Variants in SCAPER observed in about 807,000 individuals in gnomAD.
The protein encoded by SCAPER is S phase cyclin A-associated protein in the endoplasmic reticulum.
SCAPER carries 98 observed loss-of-function variants against 182.2 expected under a neutral mutation model. The ratio of observed to expected loss-of-function variants is 0.54; its 90% CI spans 0.46 to 0.64. The LOEUF is 0.64. Ranked by LOEUF, SCAPER falls within the 30% of genes least tolerant of loss-of-function variation. The pLI, the probability that SCAPER is intolerant of heterozygous loss-of-function variation, is 0.00. For synonymous variants in SCAPER, 605 were observed against 564.6 expected, an observed-to-expected ratio of 1.07 and a Z score of -1.01; for missense variants, 1,432 against 1,690.0, an observed-to-expected ratio of 0.85 and a Z score of 2.68.
chr15:76,589,333 T>C (rs2048932313), intron 22 of SCAPER, among the ~76,000 whole-genome samples: 1 of 152,062 alleles, frequency 6.6e-6, no homozygotes, highest in South Asian at 2.1e-4. Context: ...TGAAGAACCA[T>C]CAGGTGAGGG....
At chr15:76,726,156 A>ATATATATATATAT (rs56986282) in intron 17 of SCAPER, among the ~76,000 whole-genome samples, 3,700 of 79,374 alleles carry the variant, frequency 0.047, 503 homozygotes, top group African/African-American at 0.07. Flanking sequence ...TATATATATA[A>ATATATATATATAT]AAAACTCTAT....
At chr15:76,507,215 GAGAA>G (rs2041661985) in intron 23 of SCAPER, among the ~76,000 whole-genome samples, 1 of 152,096 alleles carries the variant, frequency 6.6e-6, no homozygotes, top group African/African-American at 2.4e-5. Context: ...CTTATAAGAG[GAGAA>G]AGAGACACTG....
At chr15:76,473,698 G>T (rs1232350737) in intron 24 of SCAPER, among the ~76,000 whole-genome samples, 2 of 152,186 alleles carry the variant, frequency 1.3e-5, no homozygotes, top group Non-Finnish European at 2.9e-5. Flanking sequence ...AACAAGTTCT[G>T]CAGGTAGTTC....
chr15:76,727,991 T>C (rs2060693856), intron 17 of SCAPER, among the ~76,000 whole-genome samples: 2 of 152,062 alleles, frequency 1.3e-5, no homozygotes, highest in African/African-American at 2.4e-5. Flanking sequence ...AAAAGCAAAT[T>C]AAAACCACAA....
intron 25 of SCAPER, among the ~76,000 whole-genome samples, chr15:76,464,007 C>CTCT (rs1555444922): frequency 1.1e-4 from 13 of 120,376 alleles, no homozygotes; most frequent in Admixed American, 1.1e-3. Flanking sequence ...TTTCACTGGT[C>CTCT]TTTTTTTTTT....
At chr15:76,629,556 TTA>T (rs1189976302) in intron 21 of SCAPER, among the ~76,000 whole-genome samples, 1 of 152,216 alleles carries the variant, frequency 6.6e-6, no homozygotes, top group Admixed American at 6.5e-5. Context: ...ATGTGATGAA[TTA>T]TGTTTACTGA....
At chr15:76,550,352 G>A (rs1020747713) in intron 23 of SCAPER, among the ~76,000 whole-genome samples, 6 of 151,868 alleles carry the variant, frequency 4.0e-5, no homozygotes, top group Non-Finnish European at 7.4e-5. Flanking sequence ...CTCCCTCCCC[G>A]ACCCCTGACA....
At chr15:76,829,628 C>T (rs1002732759) in intron 5 of SCAPER, among the ~76,000 whole-genome samples, 3 of 152,114 alleles carry the variant, frequency 2.0e-5, no homozygotes, top group African/African-American at 4.8e-5. Flanking sequence ...GCTTGAAGAA[C>T]ATTAGCGCAA....
intron 27 of SCAPER, among the ~76,000 whole-genome samples, chr15:76,392,006 G>C (rs941865747): frequency 6.6e-6 from 1 of 152,166 alleles, no homozygotes; most frequent in Non-Finnish European, 1.5e-5. Flanking sequence ...TCAGATTGCT[G>C]GAATCATGAG....
intron 24 of SCAPER, among the ~76,000 whole-genome samples, chr15:76,500,704 T>C (rs1464860162): frequency 6.6e-6 from 1 of 152,164 alleles, no homozygotes; most frequent in East Asian, 1.9e-4. Flanking sequence ...AAAGCTATGA[T>C]GAACCACTAT....
intron 26 of SCAPER, among the ~76,000 whole-genome samples, chr15:76,412,417 A>C (rs949357140): frequency 6.6e-6 from 1 of 152,134 alleles, no homozygotes; most frequent in Non-Finnish European, 1.5e-5. Flanking sequence ...TGGAGGCTGT[A>C]CATGTGTGTG....
chr15:76,754,609 G>A (rs939038043), intron 14 of SCAPER, among the ~76,000 whole-genome samples: 3 of 151,982 alleles, frequency 2.0e-5, no homozygotes, highest in Non-Finnish European at 4.4e-5. Context: ...AGCTTGTTCT[G>A]TGCTCCAGGA....
At chr15:76,586,574 A>G (rs1452160427) in intron 22 of SCAPER, 1 of 152,748 alleles carries the variant, frequency 6.5e-6, no homozygotes, top group East Asian at 1.9e-4. Flanking sequence ...AAATAAATGA[A>G]TGTATATACA....
chr15:76,905,040 G>C (rs925737626), intron 1 of SCAPER, among the ~76,000 whole-genome samples: 1 of 152,132 alleles, frequency 6.6e-6, no homozygotes, highest in Admixed American at 6.5e-5. Context: ...GCAGGGCAGG[G>C]CCCGGACGCG....
chr15:76,687,519 G>A (rs557699275), intron 20 of SCAPER, among the ~76,000 whole-genome samples: 94 of 152,144 alleles, frequency 6.2e-4, no homozygotes, highest in African/African-American at 2.2e-3. Context: ...GTATACACAC[G>A]CCATGGTGGC....
At chr15:76,518,877 A>G (rs141687230) in intron 23 of SCAPER, among the ~76,000 whole-genome samples, 54 of 152,328 alleles carry the variant, frequency 3.5e-4, no homozygotes, top group African/African-American at 1.2e-3. Context: ...TTTTTTCAGA[A>G]TATCTGTTCT....
chr15:76,725,071 C>G (rs1346790986), intron 17 of SCAPER, among the ~76,000 whole-genome samples: 1 of 152,008 alleles, frequency 6.6e-6, no homozygotes, highest in Non-Finnish European at 1.5e-5. Flanking sequence ...CATCTTCTCT[C>G]CACCCCCCAA....
At chr15:76,679,849 A>G (rs1362673497) in intron 20 of SCAPER, among the ~76,000 whole-genome samples, 1 of 152,180 alleles carries the variant, frequency 6.6e-6, no homozygotes, top group Non-Finnish European at 1.5e-5. Context: ...CAGACAACTC[A>G]AAGGAAAGCC....
At chr15:76,515,762 A>C (rs900602951) in intron 23 of SCAPER, among the ~76,000 whole-genome samples, 11 of 152,224 alleles carry the variant, frequency 7.2e-5, no homozygotes, top group African/African-American at 2.2e-4. Flanking sequence ...AACAGCTGGA[A>C]TTATGTTTAT....
Sources: allele counts gnomAD v4.1 joint callset (sites outside exome capture counted in the v4.1 genomes callset), GRCh38; gene constraint gnomAD v4.1.1; transcripts MANE v1.5; gene names NCBI Gene and HGNC (gene_info 2026-07-23, HGNC 2026-07-21).